Variants in PCDHA3 observed in about 807,000 individuals in gnomAD.
The protein encoded by PCDHA3 is protocadherin alpha 3.
In PCDHA3, 41 loss-of-function variants were observed where a neutral mutation model predicts 62.2. The observed-to-expected ratio is 0.66, with a 90% CI of 0.51 to 0.86. PCDHA3 has a LOEUF of 0.86. Ranked by LOEUF, PCDHA3 falls within the 40% of genes least tolerant of loss-of-function variation. PCDHA3 has a pLI of 0.00. For synonymous variants in PCDHA3, 640 were observed against 555.4 expected, an observed-to-expected ratio of 1.15 and a Z score of -2.14; for missense variants, 1,304 against 1,241.2, an observed-to-expected ratio of 1.05 and a Z score of -0.76.
intron 1 of PCDHA3, among the ~76,000 whole-genome samples, chr5:140,918,027 G>A (rs782291548): frequency 8.5e-5 from 13 of 152,226 alleles, no homozygotes; most frequent in African/African-American, 1.9e-4. Context: ...ACCCATGAGC[G>A]TGGAAGGTCT....
intron 1 of PCDHA3, chr5:140,809,680 C>G (rs1325474116): frequency 4.5e-6 from 6 of 1,338,242 alleles, no homozygotes; most frequent in Non-Finnish European, 5.1e-6. Context: ...AATTTTACCT[C>G]TTTTTACATA....
rs1202247543 is a variant in PCDHA3, at chr5:140,858,682, T to A, written c.2394+55091T>A. On this transcript the variant is annotated intron_variant, in intron 1 of 3. Coordinates refer to ENST00000522353, the MANE Select transcript of PCDHA3 (RefSeq NM_018906.3). Reference sequence around the variant, plus strand: ...AAATAACAATTTATTCTGAATACACTAATATTTTCCAATACAAATATGTGA... The same window carrying A: ...AAATAACAATTTATTCTGAATACACAAATATTTTCCAATACAAATATGTGA... 35 of 617,258 alleles carry A rather than the reference T, an allele frequency of 5.7e-5. 1 individual carries two copies. The East Asian group carries it at 9.7e-4, about 17-fold the overall frequency. 38.2% of individuals were successfully genotyped at this position (617,258 alleles called of 1,614,324 possible).
In PCDHA3 at chr5:141,007,395, CAAAAAAAAA is replaced by C. The variant is rs35800918; in HGVS notation, c.2543-2217_2543-2209del. 1.6e-4 allele frequency among the ~76,000 whole-genome samples: 15 copies of C among 94,844 alleles called. No individual in the cohort carries two copies. The East Asian group carries it at 2.4e-3, about 15-fold the overall frequency. The allele number at this position is 94,844 out of a possible 152,430, so 62.2% of individuals were successfully genotyped here. A position where few individuals can be genotyped will look rare whatever the true frequency, so the allele number is the denominator to read the frequency against. On this transcript the variant is annotated intron_variant, in intron 3 of 3. Transcript: ENST00000522353. The stretch of plus-strand genomic sequence containing the variant: ...ATGGAACACCATCTCTACTAAAATA[CAAAAAAAAA>C]AAAAAAAAAAAAAATTAGCCAGGCA...
intron 1 of PCDHA3, chr5:140,928,465 G>A: frequency 6.2e-7 from 1 of 1,614,168 alleles, no homozygotes; most frequent in Non-Finnish European, 8.5e-7. Context: ...TCATTTCCAA[G>A]TAGAAGGCCG....
rs1333362831 is a variant in PCDHA3 at position 140,976,454 on chromosome 5, GGAA to G, written c.2395-2488_2395-2486del. Among the ~76,000 whole-genome samples, 4 of 152,214 alleles carry G rather than the reference GGAA, an allele frequency of 2.6e-5. No individual in the cohort carries two copies. The East Asian group carries it at 7.7e-4, about 29-fold the overall frequency. On this transcript the variant is annotated intron_variant, in intron 1 of 3. Transcript: ENST00000522353. Reference sequence around the variant, plus strand: ...TAATCCCAGCTACTAGGGAGGCTGGGGAAGAAGAATTGCTTGAATCCGGGAGGC... The same window carrying G: ...TAATCCCAGCTACTAGGGAGGCTGGGGAAGAATTGCTTGAATCCGGGAGGC...
chr5:140,899,982 AT>A (rs1290251020), intron 1 of PCDHA3, among the ~76,000 whole-genome samples: 2 of 150,600 alleles, frequency 1.3e-5, no homozygotes, highest in African/African-American at 4.9e-5. Flanking sequence ...TACTTTTTTG[AT>A]TTTTTTTGTA....
chr5:140,881,257 C>A, intron 1 of PCDHA3: 1 of 512,564 alleles, frequency 2.0e-6, no homozygotes, highest in Non-Finnish European at 2.5e-6. Context: ...CAAGGTTTTA[C>A]TCAGTGATGA....
At position 140,809,061 on chromosome 5, in the gene PCDHA3, G is replaced by T. The variant is rs1554124972; in HGVS notation, c.2394+5470G>T. 3 of 1,613,928 alleles carry T rather than the reference G, an allele frequency of 1.9e-6. No homozygotes were observed. In the Admixed American group the frequency reaches 5.0e-5, roughly 27 times the overall value. On this transcript the variant is annotated intron_variant, in intron 1 of 3. Coordinates refer to ENST00000522353, the MANE Select transcript of PCDHA3 (RefSeq NM_018906.3). The stretch of plus-strand genomic sequence containing the variant: ...GGCGCGCGCATCCCGTTCCGCGTGG[G>T]GCTGTACACTGGCGAGATCAGCACA...
intron 1 of PCDHA3, chr5:140,927,472 G>A (rs201932518): frequency 1.6e-4 from 264 of 1,614,094 alleles, no homozygotes; most frequent in Non-Finnish European, 2.0e-4. Context: ...ACTGGATCGC[G>A]AACAGCGCGC....
At position 140,993,463 on chromosome 5, in the gene PCDHA3, CA is replaced by C. The variant is rs1563591979; in HGVS notation, c.2542+10901del. ...ATTCCTGTTCTCCTTCTTTCTTTCTCACACACACACACACACACACACACAC... is the reference window on the plus strand; with the variant it reads ...ATTCCTGTTCTCCTTCTTTCTTTCTCCACACACACACACACACACACACAC... On this transcript the variant is annotated intron_variant, in intron 3 of 3. Coordinates refer to ENST00000522353, the MANE Select transcript of PCDHA3 (RefSeq NM_018906.3). Among the ~76,000 whole-genome samples the C allele has an allele frequency of 9.6e-3, 73 of 7,582 alleles. 1 individual carries two copies. The highest frequency in any genetic ancestry group is 0.047 in the African/African-American group (71 of 1,514). 5.0% of individuals were successfully genotyped at this position (7,582 alleles called of 152,430 possible).
intron 3 of PCDHA3, among the ~76,000 whole-genome samples, chr5:141,000,522 G>A (rs1294045842): frequency 4.2e-5 from 6 of 143,688 alleles, no homozygotes; most frequent in African/African-American, 1.6e-4. Context: ...CCTTCTCCAG[G>A]GTTCAAGTGA....
intron 1 of PCDHA3, chr5:140,875,846 A>T: frequency 6.2e-7 from 1 of 1,614,176 alleles, no homozygotes. Context: ...GAGGTGAAGG[A>T]CATTAACGAC....
At chr5:140,826,384 G>T (rs1040269043) in intron 1 of PCDHA3, among the ~76,000 whole-genome samples, 1 of 152,088 alleles carries the variant, frequency 6.6e-6, no homozygotes, top group Non-Finnish European at 1.5e-5. Context: ...TCAGTGATAA[G>T]AACTACTAAA....
At chr5:140,960,186 G>A (rs2153724328) in intron 1 of PCDHA3, among the ~76,000 whole-genome samples, 1 of 152,260 alleles carries the variant, frequency 6.6e-6, no homozygotes, top group East Asian at 1.9e-4. Flanking sequence ...GGGGTTGCAT[G>A]TGTAGTGGTC....
intron 1 of PCDHA3, among the ~76,000 whole-genome samples, chr5:140,904,217 T>C (rs1554191375): frequency 6.6e-6 from 1 of 151,964 alleles, no homozygotes; most frequent in Non-Finnish European, 1.5e-5. Flanking sequence ...CCAAAGTCCA[T>C]TGTATTATAC....
At chr5:140,876,173 A>T (rs369965805) in intron 1 of PCDHA3, 66 of 1,613,862 alleles carry the variant, frequency 4.1e-5, no homozygotes, top group Middle Eastern at 1.6e-4. Context: ...ACCGTCCTGG[A>T]TGTGAATGAC....
chr5:140,966,546 C>T, intron 1 of PCDHA3: 1 of 466,228 alleles, frequency 2.1e-6, no homozygotes, highest in Non-Finnish European at 3.7e-6. Context: ...GACTCGGAGG[C>T]GAGCGGAGGA....
At chr5:140,969,232 C>G in intron 1 of PCDHA3, 1 of 1,614,066 alleles carries the variant, frequency 6.2e-7, no homozygotes, top group Non-Finnish European at 8.5e-7. Flanking sequence ...CTTCGGGAGC[C>G]CAAGCAGCAG....
chr5:141,007,779 C>T (rs1378096050), intron 3 of PCDHA3, among the ~76,000 whole-genome samples: 4 of 152,184 alleles, frequency 2.6e-5, no homozygotes, highest in African/African-American at 9.7e-5. Context: ...AATGGTACTG[C>T]TTTACAAATT....
Sources: allele counts gnomAD v4.1 joint callset (sites outside exome capture counted in the v4.1 genomes callset), GRCh38; gene constraint gnomAD v4.1.1; transcripts MANE v1.5; gene names NCBI Gene and HGNC (gene_info 2026-07-23, HGNC 2026-07-21).